The following DHX34 variants were observed in gnomAD, a reference collection of about 807,000 sequenced individuals.
DHX34 encodes probable ATP-dependent RNA helicase DHX34.
Under a neutral mutation model 111.1 loss-of-function variants are expected in DHX34, and 96 were observed. That is an observed-to-expected ratio of 0.86 (90% CI 0.73 to 1.02). The LOEUF is 1.02. DHX34 is among the 50% of genes least tolerant of loss of function. DHX34 has a pLI of 0.00. For synonymous variants in DHX34, 688 were observed against 670.4 expected (o/e 1.03, Z -0.41); for missense variants, 1,560 against 1,579.9 (o/e 0.99, Z 0.21).
At chr19:47,352,237 T>C (rs1384198825) in intron 1 of DHX34, among the ~76,000 whole-genome samples, 1 of 152,176 alleles carries the variant, frequency 6.6e-6, no homozygotes, top group Admixed American at 6.5e-5. Flanking sequence ...GTTATCACAG[T>C]CCCCATCACT....
In DHX34 at chr19:47,352,977, G is replaced by T; in HGVS notation, c.-54G>T. On this transcript the variant is annotated 5_prime_UTR_variant, in exon 2 of 17. The change abolishes an upstream ATG in the 5' untranslated region. Transcript: ENST00000328771. ...AAATTGTTGCAGGTGGGGAATGGAT[G>T]AGAATATTTGTTTTGGGTGATCAGA... 3 of 1,552,378 alleles carry T rather than the reference G, an allele frequency of 1.9e-6. No individual in the cohort carries two copies. Among genetic ancestry groups the T allele is most frequent in the Non-Finnish European group, 2.6e-6 (3 of 1,147,214 alleles).
At position 47,378,125 on chromosome 19, in the gene DHX34, C is replaced by T. The variant is rs138698013; in HGVS notation, c.2706+919C>T. On this transcript the variant is annotated intron_variant, in intron 13 of 16. Transcript: ENST00000328771. The stretch of plus-strand genomic sequence containing the variant: ...CTCCTGGCTCACTACCAGCACTCCC[C>T]GGCTTGGGTCCCAGGGAACGTGGAG... 3.2e-3 allele frequency among the ~76,000 whole-genome samples: 481 copies of T among 152,272 alleles called. 4 individuals are homozygous for T. Among genetic ancestry groups the T allele is most frequent in the African/African-American group, 0.011 (455 of 41,560 alleles).
chr19:47,357,561 C>T (rs990325720), intron 3 of DHX34, among the ~76,000 whole-genome samples: 1 of 152,224 alleles, frequency 6.6e-6, no homozygotes, highest in Middle Eastern at 3.4e-3. Context: ...TGGGTAGGGC[C>T]AGGGATGCTG....
rs1430414884 is a variant in DHX34, at chr19:47,380,894, C to T, written c.3061C>T (p.Pro1021Ser). Reference sequence around the variant, plus strand: ...GGGACCCCAGACCATCCCAGCCACCCCCCATCTTCCTGGCCTCTTTGGCAG... The same window carrying T: ...GGGACCCCAGACCATCCCAGCCACCTCCCATCTTCCTGGCCTCTTTGGCAG... ...YVGPQTIPAT[P>S]HLPGLFGSST... The change falls in exon 15 of 17, where the codon CCC (proline) becomes TCC (serine). Residue 1021 changes from proline to serine, a missense_variant. By Grantham distance (74) the Pro-to-Ser change is moderately conservative. Transcript: ENST00000328771. 2 of 1,613,738 alleles carry T rather than the reference C, an allele frequency of 1.2e-6. No homozygotes were observed. The highest frequency in any genetic ancestry group is 8.5e-7 in the Non-Finnish European group (1 of 1,179,808).
chr19:47,362,737 C>G (rs116957765), intron 6 of DHX34, 44 bp downstream of exon 6: 6 of 1,525,462 alleles, frequency 3.9e-6, no homozygotes, highest in Non-Finnish European at 5.3e-6. Context: ...ACTGCTGGCA[C>G]AGGGAGGAAC....
chr19:47,371,127 C>T (rs757363625), intron 7 of DHX34, among the ~76,000 whole-genome samples: 2 of 152,182 alleles, frequency 1.3e-5, no homozygotes, highest in Non-Finnish European at 2.9e-5. Flanking sequence ...GGCCTCTGAT[C>T]GCCCCCAGTG....
In DHX34 at chr19:47,372,722, C is replaced by T. The variant is rs199575788; in HGVS notation, c.1769-8C>T. 2.2e-4 allele frequency: 344 copies of T among 1,576,720 alleles called. No individual in the cohort carries two copies. Among genetic ancestry groups the T allele is most frequent in the Non-Finnish European group, 2.6e-4 (304 of 1,159,020 alleles). ...CCAGGAGCCTCAACCCCGTGTCCGC[C>T]GCTGCAGGGAAGATGCTGATCCTGG... On this transcript the variant is annotated splice_polypyrimidine_tract_variant and splice_region_variant and intron_variant, in intron 7 of 16. Coordinates refer to ENST00000328771, the MANE Select transcript of DHX34 (RefSeq NM_014681.6).
chr19:47,368,074 C>T (rs2122289417), intron 7 of DHX34, among the ~76,000 whole-genome samples: 1 of 150,968 alleles, frequency 6.6e-6, no homozygotes, highest in Non-Finnish European at 1.5e-5. Flanking sequence ...TTGGACCAGC[C>T]ATGTTCAACT....
rs1969335736 is a variant in DHX34, at chr19:47,353,082, G to A, written c.52G>A (p.Ala18Thr). 1.2e-6 allele frequency: 2 copies of A among 1,614,104 alleles called. No homozygotes were observed. Among genetic ancestry groups the A allele is most frequent in the Non-Finnish European group, 1.7e-6 (2 of 1,179,986 alleles). Residue 18 changes from alanine (A) to threonine (T), a missense_variant, in exon 2 of 17, where the codon GCT becomes ACT. Ala to Thr is a moderately conservative substitution (Grantham distance 58). Transcript: ENST00000328771. The surrounding 1 kb of genome is among the most constrained non-coding windows in gnomAD (Gnocchi z 4.6). Reference sequence around the variant, plus strand: ...CAGGGATCGCCGAGACCACCACCGGGCTCCCAGCGAGGAAGAGGCCTTGGA... The same window carrying A: ...CAGGGATCGCCGAGACCACCACCGGACTCCCAGCGAGGAAGAGGCCTTGGA... ...EGRDRRDHHR[A>T]PSEEEALEKW...
At chr19:47,377,227 G>GC in intron 13 of DHX34, 21 bp downstream of exon 13, 1 of 1,601,148 alleles carries the variant, frequency 6.2e-7, no homozygotes, top group Non-Finnish European at 8.5e-7. Flanking sequence ...GCCCCACCCC[G>GC]CCCCCATGCC....
rs1599760342 is a variant in DHX34 at position 47,362,684 on chromosome 19, G to T, written c.1584G>T (p.Leu528Phe). The change falls in exon 6 of 17, where the codon TTG becomes TTT. Residue 528 changes from leucine to phenylalanine, a missense_variant. Transcript: ENST00000328771. ...TTCGGAGGGTGGCCCTGGACTCGTT[G>T]GTGCTGCAGGTGAGGCATGGGCAGA... Reference protein sequence around the residue: ...PEIRRVALDSLVLQMKSMSVG... With the variant: ...PEIRRVALDSFVLQMKSMSVG... The T allele has an allele frequency of 6.2e-7, 1 of 1,611,378 alleles. No homozygotes were observed. The highest frequency in any genetic ancestry group is 8.5e-7 in the Non-Finnish European group (1 of 1,179,268).
At chr19:47,376,937 ACATT>A (rs1428515798) in intron 12 of DHX34, 159 bp from the exon 13 acceptor site, 1 of 1,538,234 alleles carries the variant, frequency 6.5e-7, no homozygotes, top group South Asian at 1.2e-5. Flanking sequence ...GCTGGGAGTC[ACATT>A]CAGATTTGGC....
Position 47,357,902 on chromosome 19 carries a change from T to C in DHX34, c.1054T>C (p.Ser352Pro). ...GCCGCAGGAGGCGGAGCCGACCACG[T>C]CCAAGTCAGAGAAGCTGGACCCGCG... ...YQPQEAEPTT[S>P]KSEKLDPRPF... The change falls in exon 4 of 17, where the codon TCC (serine) becomes CCC (proline). Residue 352 changes from serine (S) to proline (P), a missense_variant. Physicochemically the swap from Ser to Pro is moderately conservative, Grantham distance 74. Coordinates refer to ENST00000328771, the MANE Select transcript of DHX34 (RefSeq NM_014681.6). 1 of 1,613,910 alleles carries C rather than the reference T, an allele frequency of 6.2e-7. No homozygotes were observed. The highest frequency in any genetic ancestry group is 8.5e-7 in the Non-Finnish European group (1 of 1,180,000).
rs1005362105 is a variant in DHX34, at chr19:47,353,869, C to T, written c.705+134C>T. On this transcript the variant is annotated intron_variant, in intron 2 of 16. Transcript: ENST00000328771. This position sits in a 1 kb window ranked among gnomAD's most constrained non-coding sequence, Gnocchi z 4.6. ...AGCGATGATTCTTCTAGAACTTTAT[C>T]CACAGAGTGGCTTGTCTGTGGTCTA... The T allele has an allele frequency of 1.1e-6, 1 of 883,980 alleles. No homozygotes were observed. 54.8% of individuals were successfully genotyped at this position (883,980 alleles called of 1,614,324 possible).
chr19:47,352,802 C>A lies in DHX34; in HGVS notation c.-229C>A, dbSNP rs1969325780. ...ATGAACTTGTGTCCATCCCAGAGAT[C>A]ACTGCAGATGTCATGAGGTACCCTT... On this transcript the variant is annotated 5_prime_UTR_variant, in exon 2 of 17. The change creates a premature stop within an existing upstream ORF in the 5' untranslated region. Transcript: ENST00000328771. 5.6e-6 allele frequency: 4 copies of A among 720,448 alleles called. No individual in the cohort carries two copies. Among genetic ancestry groups the A allele is most frequent in the Admixed American group, 6.6e-5 (2 of 30,336 alleles). The allele number at this position is 720,448 out of a possible 1,614,324, so 44.6% of individuals were successfully genotyped here.
chr19:47,368,569 G>T (rs1969866053), intron 7 of DHX34, among the ~76,000 whole-genome samples: 1 of 150,540 alleles, frequency 6.6e-6, no homozygotes, highest in Non-Finnish European at 1.5e-5. Context: ...ACCTCCCAAA[G>T]TGCTGTGATT....
intron 11 of DHX34, 122 bp downstream of exon 11, chr19:47,376,219 C>T: frequency 6.9e-7 from 1 of 1,444,254 alleles, no homozygotes; most frequent in Admixed American, 2.6e-5. Context: ...ATGGGGCTCA[C>T]AACCCAGTGG....
intron 3 of DHX34, 113 bp from the exon 4 acceptor site, chr19:47,357,752 AC>A: frequency 6.9e-7 from 1 of 1,458,904 alleles, no homozygotes; most frequent in Non-Finnish European, 9.1e-7. Flanking sequence ...GACCCGTTGC[AC>A]TGTGTCTTCT....
At position 47,375,597 on chromosome 19, in the gene DHX34, G is replaced by T. The variant is rs778930506; in HGVS notation, c.2196G>T (p.Ala732=). The T allele has an allele frequency of 2.4e-5, 37 of 1,546,994 alleles. No homozygotes were observed. Among genetic ancestry groups the T allele is most frequent in the Middle Eastern group, 3.4e-4 (2 of 5,930 alleles). The part of the protein sequence containing the change: ...HQLKRQHEEG[A]GRRRKVLRLQ... ...TGAAACGCCAGCACGAGGAGGGCGC[G>T]GGGCGCAGGCGCAAGGTGCTGCGGC... is the stretch of plus-strand genomic sequence containing the variant. The change falls in exon 10 of 17, where the codon GCG becomes GCT. Residue 732 remains alanine (A), a synonymous_variant. Transcript: ENST00000328771.
Sources: gnomAD v4.1 joint callset for allele counts (sites outside exome capture counted in the v4.1 genomes callset) on GRCh38, gnomAD v4.1.1 for gene constraint, Gnocchi (gnomAD v3.1) non-coding constraint, MANE v1.5 for transcripts, NCBI Gene and HGNC (gene_info 2026-07-23, HGNC 2026-07-21) for gene names.